SLC23A2: variants seen among roughly 807,000 people sequenced by gnomAD.
The protein encoded by SLC23A2 is solute carrier family 23 member 2.
In SLC23A2, 36 loss-of-function variants were observed where a neutral mutation model predicts 73.3. The ratio of observed to expected loss-of-function variants is 0.49; its 90% CI spans 0.38 to 0.65. The LOEUF (loss-of-function observed/expected upper bound fraction) is 0.65. SLC23A2 is among the 30% of genes least tolerant of loss of function. SLC23A2 has a pLI of 0.00. For synonymous variants in SLC23A2, 343 were observed against 327.3 expected, an observed-to-expected ratio of 1.05 and a Z score of -0.52; for missense variants, 507 against 841.6, an observed-to-expected ratio of 0.60 and a Z score of 4.92.
intron 2 of SLC23A2, among the ~76,000 whole-genome samples, chr20:4,969,613 C>T (rs1519866): frequency 7.1e-6 from 1 of 141,036 alleles, no homozygotes; most frequent in Non-Finnish European, 1.5e-5. Flanking sequence ...GAGGCAGGGT[C>T]TCACTCTGCC....
chr20:4,967,428 C>A (rs1385199370), intron 2 of SLC23A2, among the ~76,000 whole-genome samples: 1 of 152,180 alleles, frequency 6.6e-6, no homozygotes, highest in Non-Finnish European at 1.5e-5. Context: ...TGCTTGGAAT[C>A]TCTTTCATAG....
At chr20:4,983,594 C>T (rs1273370530) in intron 1 of SLC23A2, among the ~76,000 whole-genome samples, 3 of 149,122 alleles carry the variant, frequency 2.0e-5, no homozygotes, top group Non-Finnish European at 3.0e-5. Flanking sequence ...TGCAGTGAGC[C>T]GAGACCGCGC....
At position 4,882,356 on chromosome 20, in the gene SLC23A2, C is replaced by G. The variant is rs1386054276; in HGVS notation, c.824+1286G>C. ...CACCACTGCACTCCAGCCTGGGCAACAGAGCGAGACTCCATTGCAAAAAAA... is the reference window on the plus strand; with the variant it reads ...CACCACTGCACTCCAGCCTGGGCAAGAGAGCGAGACTCCATTGCAAAAAAA... On this transcript the variant is annotated intron_variant, in intron 9 of 16. Transcript: ENST00000338244. 2.0e-5 allele frequency among the ~76,000 whole-genome samples: 3 copies of G among 151,912 alleles called. 1 individual carries two copies. Among genetic ancestry groups the G allele is most frequent in the Non-Finnish European group, 4.4e-5 (3 of 68,022 alleles).
intron 2 of SLC23A2, among the ~76,000 whole-genome samples, chr20:4,940,823 T>TG (rs745568672): frequency 3.9e-5 from 6 of 151,920 alleles, no homozygotes; most frequent in Non-Finnish European, 5.9e-5. Flanking sequence ...TCCAGGGACT[T>TG]GGGGGGGCGG....
At chr20:4,912,223 G>C (rs1372260761) in intron 4 of SLC23A2, among the ~76,000 whole-genome samples, 1 of 151,744 alleles carries the variant, frequency 6.6e-6, no homozygotes, top group African/African-American at 2.4e-5. Context: ...ACGAGGCACA[G>C]AGCAAAACAA....
At chr20:4,915,880 G>A (rs570551700) in intron 3 of SLC23A2, among the ~76,000 whole-genome samples, 1 of 152,284 alleles carries the variant, frequency 6.6e-6, no homozygotes, top group South Asian at 2.1e-4. Flanking sequence ...TCCAGGAGGT[G>A]GAGGTTGCAG....
Position 4,927,163 on chromosome 20 carries a change from C to T in SLC23A2, c.108+5292G>A, listed in dbSNP as rs138773348. ...TGGAGTACTTGACGAGTGCAACTAA[C>T]GAAGTGAATTTCAGGTTTTATTGAA... On this transcript the variant is annotated intron_variant, in intron 3 of 16. Coordinates refer to ENST00000338244, the MANE Select transcript of SLC23A2 (RefSeq NM_005116.6). 1.0e-3 allele frequency among the ~76,000 whole-genome samples: 152 copies of T among 152,170 alleles called. 1 individual carries two copies. Among genetic ancestry groups the T allele is most frequent in the African/African-American group, 1.5e-3 (62 of 41,510 alleles).
intron 2 of SLC23A2, among the ~76,000 whole-genome samples, chr20:4,961,075 T>C (rs939582250): frequency 1.3e-5 from 2 of 151,878 alleles, no homozygotes; most frequent in African/African-American, 4.8e-5. Flanking sequence ...CTCATGCACA[T>C]TCTGATTACA....
intron 1 of SLC23A2, among the ~76,000 whole-genome samples, chr20:4,989,806 T>C (rs1164563640): frequency 6.6e-6 from 1 of 152,130 alleles, no homozygotes; most frequent in Non-Finnish European, 1.5e-5. Context: ...GGATTAGAAA[T>C]GCTCAATGTG....
At chr20:4,859,252 A>T (rs776915838) in intron 16 of SLC23A2, 37 bp downstream of exon 16, 26 of 516,978 alleles carry the variant, frequency 5.0e-5, no homozygotes, top group Admixed American at 2.3e-4. Context: ...GTTAAAAAAT[A>T]AAAAAAAAAA....
At chr20:4,982,259 C>T (rs574995905) in intron 1 of SLC23A2, among the ~76,000 whole-genome samples, 1 of 152,146 alleles carries the variant, frequency 6.6e-6, no homozygotes, top group Non-Finnish European at 1.5e-5. Flanking sequence ...TCCCAAAGCA[C>T]TGGGATTACA....
At position 4,857,335 on chromosome 20, in the gene SLC23A2, C is replaced by CAT. The variant is rs969640610; in HGVS notation, c.1721-133_1721-132dup. The CAT allele has an allele frequency of 1.1e-5, 6 of 526,990 alleles. No individual in the cohort carries two copies. In the East Asian group the frequency reaches 1.2e-4, roughly 11 times the overall value. The allele number at this position is 526,990 out of a possible 1,614,324, so 32.6% of individuals were successfully genotyped here. A position where few individuals can be genotyped will look rare whatever the true frequency, so the allele number is the denominator to read the frequency against. On this transcript the variant is annotated intron_variant, in intron 16 of 16. Transcript: ENST00000338244. This position sits in a 1 kb window ranked among gnomAD's most constrained non-coding sequence, Gnocchi z 4.0. The stretch of plus-strand genomic sequence containing the variant: ...ACACACACACACACACACACACACA[C>CAT]ATGGTCCCACAGATCAAACCTGCCT...
chr20:4,885,569 C>T (rs1931065311), intron 7 of SLC23A2, among the ~76,000 whole-genome samples: 1 of 152,196 alleles, frequency 6.6e-6, no homozygotes, highest in South Asian at 2.1e-4. Flanking sequence ...CCATATTTGT[C>T]AATTTCATTA....
At chr20:4,973,062 T>C (rs1190769545) in intron 1 of SLC23A2, among the ~76,000 whole-genome samples, 1 of 152,220 alleles carries the variant, frequency 6.6e-6, no homozygotes, top group Non-Finnish European at 1.5e-5. Flanking sequence ...CCTTGAAAAA[T>C]ACAGGTTGTA....
chr20:5,010,000 C>A (rs910484630), intron 1 of SLC23A2, among the ~76,000 whole-genome samples: 5 of 148,644 alleles, frequency 3.4e-5, no homozygotes, highest in African/African-American at 1.2e-4. Context: ...GAGGCTGAGG[C>A]AGGAGAATGG....
In SLC23A2 at chr20:4,883,855, G is replaced by GAGCT. The variant is rs1930990385; in HGVS notation, c.643-36_643-33dup. On this transcript the variant is annotated intron_variant, in intron 8 of 16. Transcript: ENST00000338244. This position sits in a 1 kb window ranked among gnomAD's most constrained non-coding sequence, Gnocchi z 4.5. ...CAAGAGATGGCACAGACATGAGAGT[G>GAGCT]AGCTGCTTGTACACTGCACACTCAG... 6.5e-7 allele frequency: 1 copy of GAGCT among 1,534,520 alleles called. No individual in the cohort carries two copies. Among genetic ancestry groups the GAGCT allele is most frequent in the East Asian group, 2.3e-5 (1 of 43,644 alleles).
chr20:4,910,559 T>C (rs1385711424), intron 4 of SLC23A2, among the ~76,000 whole-genome samples: 1 of 152,086 alleles, frequency 6.6e-6, no homozygotes, highest in Non-Finnish European at 1.5e-5. Flanking sequence ...GCCTCCCAAA[T>C]AGCTGCAACC....
chr20:4,932,373 G>T, intron 3 of SLC23A2, 82 bp downstream of exon 3: 1 of 837,990 alleles, frequency 1.2e-6, no homozygotes, highest in South Asian at 1.3e-5. Flanking sequence ...GAAAACATGA[G>T]CATTAAAGCC....
intron 6 of SLC23A2, among the ~76,000 whole-genome samples, chr20:4,892,443 T>G (rs1164830918): frequency 6.6e-6 from 1 of 152,192 alleles, no homozygotes. Context: ...CGCCTCAGCC[T>G]CCCAAAGTGC....
Sources: gnomAD v4.1 joint callset for allele counts (sites outside exome capture counted in the v4.1 genomes callset) on GRCh38, gnomAD v4.1.1 for gene constraint, Gnocchi (gnomAD v3.1) non-coding constraint, MANE v1.5 for transcripts, NCBI Gene and HGNC (gene_info 2026-07-23, HGNC 2026-07-21) for gene names.